The following CDH20 variants were observed in gnomAD, a reference collection of about 807,000 sequenced individuals.
CDH20 encodes the protein cadherin-20.
CDH20 carries 29 observed loss-of-function variants against 74.2 expected under a neutral mutation model. That is an observed-to-expected ratio of 0.39 (90% CI 0.29 to 0.53). The LOEUF (loss-of-function observed/expected upper bound fraction) is 0.53, where lower values mean the gene tolerates loss of function less well. Among genes scored for constraint, CDH20 ranks in the 20% least tolerant of loss-of-function variants. The pLI is 0.69. For synonymous variants in CDH20, 469 were observed against 405.4 expected (o/e 1.16, Z -1.88); for missense variants, 988 against 1,048.3 (o/e 0.94, Z 0.79).
chr18:61,420,130 C>T (rs1912825215), intron 1 of CDH20, among the ~76,000 whole-genome samples: 2 of 152,182 alleles, frequency 1.3e-5, no homozygotes, highest in Admixed American at 1.3e-4. Flanking sequence ...TTTACATTAA[C>T]TACTGAAACA....
At chr18:61,467,746 C>G (rs1910013431) in intron 1 of CDH20, among the ~76,000 whole-genome samples, 1 of 152,174 alleles carries the variant, frequency 6.6e-6, no homozygotes, top group South Asian at 2.1e-4. Flanking sequence ...TATAGCAACC[C>G]TGCAATTCTA....
chr18:61,437,447 C>G (rs976159038), intron 1 of CDH20, among the ~76,000 whole-genome samples: 7 of 152,158 alleles, frequency 4.6e-5, no homozygotes, highest in African/African-American at 1.4e-4. Flanking sequence ...ATATATGGAA[C>G]TTAAATAGAC....
chr18:61,430,471 T>A (rs1476357414), intron 1 of CDH20, among the ~76,000 whole-genome samples: 1 of 152,200 alleles, frequency 6.6e-6, no homozygotes, highest in Non-Finnish European at 1.5e-5. Context: ...TTCTCCACTA[T>A]AAAATTATTC....
chr18:61,388,841 A>G (rs1911681152), intron 1 of CDH20, among the ~76,000 whole-genome samples: 1 of 152,170 alleles, frequency 6.6e-6, no homozygotes, highest in African/African-American at 2.4e-5. Flanking sequence ...TCCTCCATCT[A>G]CTAGGCAAGA....
At chr18:61,371,318 C>T (rs1018342054) in intron 1 of CDH20, among the ~76,000 whole-genome samples, 1 of 151,934 alleles carries the variant, frequency 6.6e-6, no homozygotes, top group Non-Finnish European at 1.5e-5. Context: ...TCCTACTGAA[C>T]AAAAAATTAA....
At chr18:61,506,454 T>G (rs1449250037) in intron 5 of CDH20, among the ~76,000 whole-genome samples, 1 of 152,180 alleles carries the variant, frequency 6.6e-6, no homozygotes, top group Non-Finnish European at 1.5e-5. Context: ...CCCTCACACC[T>G]GAGGCTATAG....
At chr18:61,519,652 A>G (rs1912120785) in intron 6 of CDH20, among the ~76,000 whole-genome samples, 1 of 151,352 alleles carries the variant, frequency 6.6e-6, no homozygotes, top group South Asian at 2.1e-4. Flanking sequence ...AACTGGTACC[A>G]GCCACTGCAA....
Position 61,483,313 on chromosome 18 carries a change from T to C in CDH20, c.-152-7089T>C, listed in dbSNP as rs115619842. The stretch of plus-strand genomic sequence containing the variant: ...CATGGTATAAATACACCATGGCCAA[T>C]TTCAAGGCATTGAGAGGCCTTGAAA... On this transcript the variant is annotated intron_variant, in intron 1 of 11. Coordinates refer to ENST00000262717, the MANE Select transcript of CDH20 (RefSeq NM_031891.4). Among the ~76,000 whole-genome samples, 616 of 152,268 alleles carry C rather than the reference T, an allele frequency of 4.0e-3. 8 individuals are homozygous for C. Among genetic ancestry groups the C allele is most frequent in the African/African-American group, 0.014 (585 of 41,560 alleles).
At chr18:61,454,851 T>C (rs1040520496) in intron 1 of CDH20, among the ~76,000 whole-genome samples, 1 of 152,150 alleles carries the variant, frequency 6.6e-6, no homozygotes, top group African/African-American at 2.4e-5. Flanking sequence ...TAGGTCCCCA[T>C]TGTGGTAAGG....
At position 61,507,623 on chromosome 18, in the gene CDH20, T is replaced by TA; in HGVS notation, c.1017+65dup. The TA allele has an allele frequency of 4.9e-6, 6 of 1,231,152 alleles. No individual in the cohort carries two copies. The South Asian group carries it at 8.7e-5, about 18-fold the overall frequency. The allele number at this position is 1,231,152 out of a possible 1,614,324, so 76.3% of individuals were successfully genotyped here. A position where few individuals can be genotyped will look rare whatever the true frequency, so the allele number is the denominator to read the frequency against. ...GCTTTGAATGTTTATGAAATGCTAG[T>TA]AAGGACTGTTGTATTATTGATATGC... On this transcript the variant is annotated intron_variant, in intron 6 of 11. Transcript: ENST00000262717.
intron 1 of CDH20, among the ~76,000 whole-genome samples, chr18:61,351,060 T>C (rs1181576431): frequency 6.6e-6 from 1 of 152,206 alleles, no homozygotes; most frequent in Non-Finnish European, 1.5e-5. Flanking sequence ...TGAATTCTTG[T>C]AGTTTGATGG....
intron 1 of CDH20, among the ~76,000 whole-genome samples, chr18:61,465,027 C>A (rs1909915270): frequency 6.6e-6 from 1 of 152,192 alleles, no homozygotes; most frequent in South Asian, 2.1e-4. Flanking sequence ...CAAATGGAAT[C>A]AATCATTTCA....
intron 1 of CDH20, among the ~76,000 whole-genome samples, chr18:61,389,506 A>G (rs1182207229): frequency 2.0e-5 from 3 of 152,216 alleles, no homozygotes; most frequent in African/African-American, 7.2e-5. Flanking sequence ...GCAATATAAA[A>G]TGAATTTGTA....
chr18:61,514,758 C>T (rs1423976581), intron 6 of CDH20, among the ~76,000 whole-genome samples: 20 of 151,792 alleles, frequency 1.3e-4, no homozygotes, highest in East Asian at 3.9e-4. Context: ...AATACCCTGC[C>T]GTGTGAGGTG....
chr18:61,434,747 TATTA>T (rs1446066536), intron 1 of CDH20, among the ~76,000 whole-genome samples: 1 of 152,174 alleles, frequency 6.6e-6, no homozygotes, highest in Non-Finnish European at 1.5e-5. Context: ...TCCTACAGCT[TATTA>T]ATTATTGAGG....
chr18:61,536,571 A>ACC lies in CDH20; in HGVS notation c.1353_1354dup (p.Leu452ProfsTer2), dbSNP rs1316213777. The stretch of plus-strand genomic sequence containing the variant: ...CAACAGGTGCCCTAATGACAGCAAG[A>ACC]CCCCTAGACCGGGAAGAATTTTCTT... On this transcript the variant is annotated frameshift_variant, in exon 8 of 12. Coordinates refer to ENST00000262717, the MANE Select transcript of CDH20 (RefSeq NM_031891.4). LOFTEE classifies it high-confidence loss of function. 6.2e-7 allele frequency: 1 copy of ACC among 1,613,780 alleles called. No homozygotes were observed. The highest frequency in any genetic ancestry group is 1.1e-5 in the South Asian group (1 of 91,076).
At chr18:61,348,088 T>A in intron 1 of CDH20, among the ~76,000 whole-genome samples, 1 of 152,224 alleles carries the variant, frequency 6.6e-6, no homozygotes, top group East Asian at 1.9e-4. Flanking sequence ...CTCCTGGTTA[T>A]AATTGATTTC....
intron 1 of CDH20, among the ~76,000 whole-genome samples, chr18:61,409,610 T>C (rs1452694231): frequency 1.3e-5 from 2 of 152,184 alleles, no homozygotes; most frequent in East Asian, 3.8e-4. Flanking sequence ...GAGGATCTCA[T>C]AAGCCAGAGA....
intron 1 of CDH20, among the ~76,000 whole-genome samples, chr18:61,416,289 A>G (rs1231937855): frequency 6.6e-6 from 1 of 152,244 alleles, no homozygotes; most frequent in Non-Finnish European, 1.5e-5. Flanking sequence ...TGGCATACCA[A>G]TGACATGGAT....
Sources: gnomAD v4.1 joint callset for allele counts (sites outside exome capture counted in the v4.1 genomes callset) on GRCh38, gnomAD v4.1.1 for gene constraint, MANE v1.5 for transcripts, NCBI Gene and HGNC (gene_info 2026-07-23, HGNC 2026-07-21) for gene names.